Variants in NUP205 observed in about 807,000 individuals in gnomAD.
NUP205 encodes nucleoporin 205.
A neutral mutation model predicts 253.8 loss-of-function variants in NUP205; 76 were observed. The observed-to-expected ratio is 0.30, with a 90% CI of 0.25 to 0.36. NUP205 has a LOEUF of 0.36. Ranked by LOEUF, NUP205 falls within the 10% of genes least tolerant of loss-of-function variation. NUP205 has a pLI of 1.00. For missense variants in NUP205, 2,162 were observed against 2,425.5 expected (o/e 0.89, Z 2.28); for synonymous variants, 832 against 850.1 (o/e 0.98, Z 0.37).
In NUP205 at chr7:135,577,120, C is replaced by T. The variant is rs753538019; in HGVS notation, c.640C>T (p.Arg214Cys). 8 of 1,608,970 alleles carry T rather than the reference C, an allele frequency of 5.0e-6. No homozygotes were observed. The highest frequency in any genetic ancestry group is 2.2e-5 in the South Asian group (2 of 90,156). ...RERGLGSEKHRKEVSDLIKEC... is the reference protein window; with the variant it reads ...RERGLGSEKHCKEVSDLIKEC... ...GAGAGGTTTGGGCAGTGAAAAACAT[C>T]GCAAAGAGGCAAGGGTTCAATGAAA... Residue 214 changes from arginine to cysteine, a missense_variant, in exon 5 of 43, where the codon CGC becomes TGC. Transcript: ENST00000285968.
chr7:135,598,132 C>A lies in NUP205; in HGVS notation c.2199C>A (p.Asp733Glu). 1 of 1,614,122 alleles carries A rather than the reference C, an allele frequency of 6.2e-7. No individual in the cohort carries two copies. The stretch of plus-strand genomic sequence containing the variant: ...CTGGACTGCGGCCCCCTGGCTTTGA[C>A]CCTTATTTGCAGTTCCTTAGAGACT... ...LGAGLRPPGFDPYLQFLRDSV... is the reference protein window; with the variant it reads ...LGAGLRPPGFEPYLQFLRDSV... Residue 733 changes from aspartate to glutamate, a missense_variant, in exon 15 of 43, where the codon GAC (aspartate) becomes GAA (glutamate). Physicochemically the swap from Asp to Glu is conservative, Grantham distance 45. Transcript: ENST00000285968.
chr7:135,634,836 T>C (rs1794778737), intron 35 of NUP205, among the ~76,000 whole-genome samples: 1 of 152,138 alleles, frequency 6.6e-6, no homozygotes, highest in Non-Finnish European at 1.5e-5. Flanking sequence ...AGAGGAGGAC[T>C]TGTCATTATG....
At chr7:135,571,559 T>C (rs2129489736) in intron 2 of NUP205, among the ~76,000 whole-genome samples, 1 of 152,110 alleles carries the variant, frequency 6.6e-6, no homozygotes, top group East Asian at 1.9e-4. Flanking sequence ...TCTTAAAAAC[T>C]TTTTTTAATT....
In NUP205 at chr7:135,619,548, A is replaced by C; in HGVS notation, c.4089A>C (p.Ala1363=). 1 of 1,614,138 alleles carries C rather than the reference A, an allele frequency of 6.2e-7. No individual in the cohort carries two copies. The highest frequency in any genetic ancestry group is 8.5e-7 in the Non-Finnish European group (1 of 1,180,028). Residue 1363 remains alanine (A), a synonymous_variant, in exon 29 of 43, where the codon GCA becomes GCC. Transcript: ENST00000285968. ...AGGAAACATCAGTCTTGGGACCAGC[A>C]GAGGCCCATTACGCTTTTATGCTTG... The part of the protein sequence containing the change: ...EQKETSVLGP[A]EAHYAFMLDS...
chr7:135,645,415 G>GT, intron 40 of NUP205, 53 bp from the exon 41 acceptor site: 1 of 1,579,048 alleles, frequency 6.3e-7, no homozygotes, highest in South Asian at 1.1e-5. Flanking sequence ...CGAAACTGGT[G>GT]TGTAAAACAT....
At chr7:135,632,327 T>C (rs1421906590) in intron 35 of NUP205, among the ~76,000 whole-genome samples, 1 of 152,218 alleles carries the variant, frequency 6.6e-6, no homozygotes, top group Non-Finnish European at 1.5e-5. Context: ...ATCCACATTT[T>C]ACAGCTGAGG....
chr7:135,610,202 T>A (rs1170792539), intron 22 of NUP205, among the ~76,000 whole-genome samples: 1 of 152,236 alleles, frequency 6.6e-6, no homozygotes, highest in African/African-American at 2.4e-5. Flanking sequence ...GTTTACCAGT[T>A]TATAACATAC....
At chr7:135,595,921 T>C (rs1176508275) in intron 13 of NUP205, among the ~76,000 whole-genome samples, 2 of 151,944 alleles carry the variant, frequency 1.3e-5, no homozygotes, top group Non-Finnish European at 2.9e-5. Context: ...AACTCATTAT[T>C]CATAGAAGCA....
intron 1 of NUP205, among the ~76,000 whole-genome samples, chr7:135,562,082 T>C (rs190031893): frequency 2.4e-3 from 365 of 152,272 alleles, no homozygotes; most frequent in Admixed American, 5.5e-3. Context: ...CCCAGCCTAC[T>C]GACTCCCTTT....
chr7:135,639,785 A>G (rs766981108), intron 38 of NUP205, among the ~76,000 whole-genome samples: 5 of 152,222 alleles, frequency 3.3e-5, no homozygotes, highest in Admixed American at 6.5e-5. Flanking sequence ...ACTATTTACA[A>G]TAGCAAAGAC....
At chr7:135,601,611 T>C (rs941334380) in intron 17 of NUP205, 104 bp downstream of exon 17, 3 of 1,236,600 alleles carry the variant, frequency 2.4e-6, no homozygotes, top group Non-Finnish European at 3.4e-6. Context: ...TTTTTCACTG[T>C]AAGATTCTCT....
chr7:135,597,690 G>C (rs1793875158), intron 14 of NUP205: 1 of 453,078 alleles, frequency 2.2e-6, no homozygotes. Flanking sequence ...GATTACTTGA[G>C]TCAACCTGAA....
intron 1 of NUP205, among the ~76,000 whole-genome samples, chr7:135,567,120 C>CCA (rs1805783345): frequency 1.9e-5 from 1 of 53,850 alleles, no homozygotes; most frequent in African/African-American, 7.2e-5. Flanking sequence ...CTTGCTCAGT[C>CCA]TATGTGTGTA....
chr7:135,596,257 A>G (rs79111848), intron 13 of NUP205, among the ~76,000 whole-genome samples: 5,306 of 152,316 alleles, frequency 0.035, 184 homozygotes, highest in South Asian at 0.094. Flanking sequence ...TTGAAGCAGT[A>G]AAATACTCTA....
intron 8 of NUP205, among the ~76,000 whole-genome samples, chr7:135,585,799 C>T (rs1190028912): frequency 6.6e-6 from 1 of 152,136 alleles, no homozygotes; most frequent in Non-Finnish European, 1.5e-5. Context: ...ACCTCGGCCT[C>T]CCAAAATGCT....
rs1442249628 is a variant in NUP205 at position 135,604,343 on chromosome 7, C to T, written c.2706C>T (p.Tyr902=). Residue 902 remains tyrosine (Y), a synonymous_variant, in exon 19 of 43, where the codon TAC becomes TAT. Coordinates refer to ENST00000285968, the MANE Select transcript of NUP205 (RefSeq NM_015135.3). The part of the protein sequence containing the change: ...KADNVVNIAR[Y]LYHGNTNPEL... ...AAATGTTTTCTTTTCTTTAAAGATACCTATATCATGGCAATACTAATCCAG... is the reference window on the plus strand; with the variant it reads ...AAATGTTTTCTTTTCTTTAAAGATATCTATATCATGGCAATACTAATCCAG... 8 of 1,605,132 alleles carry T rather than the reference C, an allele frequency of 5.0e-6. No individual in the cohort carries two copies. The highest frequency in any genetic ancestry group is 6.8e-6 in the Non-Finnish European group (8 of 1,177,466).
At position 135,643,300 on chromosome 7, in the gene NUP205, G is replaced by A; in HGVS notation, c.5501G>A (p.Arg1834Gln). Residue 1834 changes from arginine (R) to glutamine (Q), a missense_variant, in exon 39 of 43, where the codon CGA becomes CAA. By Grantham distance (43) the Arg-to-Gln change is conservative. Around this residue, in one of 5 missense-constraint regions of NUP205, gnomAD observed 1,144 missense variants for 1,280.9 expected, o/e 0.89. Coordinates refer to ENST00000285968, the MANE Select transcript of NUP205 (RefSeq NM_015135.3). Reference protein sequence around the residue: ...NDFFSYYDSHRQSVSKLQNVE... With the variant: ...NDFFSYYDSHQQSVSKLQNVE... ...TTCTTCAGCTATTATGACAGTCATCGACAGAGTGTCAGCAAGCTACAAAAT... is the reference window on the plus strand; with the variant it reads ...TTCTTCAGCTATTATGACAGTCATCAACAGAGTGTCAGCAAGCTACAAAAT... 1.9e-6 allele frequency: 3 copies of A among 1,614,038 alleles called. No individual in the cohort carries two copies. The highest frequency in any genetic ancestry group is 2.5e-6 in the Non-Finnish European group (3 of 1,179,950).
At chr7:135,631,329 A>C (rs1379426521) in intron 35 of NUP205, among the ~76,000 whole-genome samples, 1 of 152,270 alleles carries the variant, frequency 6.6e-6, no homozygotes, top group African/African-American at 2.4e-5. Context: ...AGGAATTGCC[A>C]AATTCCAGAC....
intron 7 of NUP205, among the ~76,000 whole-genome samples, chr7:135,581,650 A>G (rs775110550): frequency 1.3e-5 from 2 of 152,058 alleles, no homozygotes; most frequent in Non-Finnish European, 2.9e-5. Context: ...TCAGGAGTTC[A>G]AGACCAGACT....
Sources: allele counts gnomAD v4.1 joint callset (sites outside exome capture counted in the v4.1 genomes callset), GRCh38; gene constraint gnomAD v4.1.1; regional missense constraint gnomAD v4.1.1; transcripts MANE v1.5; gene names NCBI Gene and HGNC (gene_info 2026-07-23, HGNC 2026-07-21).